The following ANO10 variants were observed in gnomAD, a reference collection of about 807,000 sequenced individuals.
ANO10 encodes the protein anoctamin 10.
In ANO10, 77 loss-of-function variants were observed where a neutral mutation model predicts 74.7. The observed-to-expected ratio is 1.03, with a 90% CI of 0.86 to 1.25. ANO10 has a LOEUF of 1.25. Ranked by LOEUF, ANO10 falls within the 50% of genes most tolerant of loss-of-function variation. The pLI is 0.00. For synonymous variants in ANO10, 279 were observed against 284.9 expected (o/e 0.98, Z 0.21); for missense variants, 721 against 778.1 (o/e 0.93, Z 0.87).
At chr3:43,629,235 G>T (rs1348061366) in intron 1 of ANO10, among the ~76,000 whole-genome samples, 1 of 152,190 alleles carries the variant, frequency 6.6e-6, no homozygotes, top group Non-Finnish European at 1.5e-5. Flanking sequence ...TCCCCGATAA[G>T]GAGGAGATTG....
intron 5 of ANO10, among the ~76,000 whole-genome samples, chr3:43,578,945 C>A (rs1575472540): frequency 6.6e-6 from 1 of 151,924 alleles, no homozygotes; most frequent in East Asian, 1.9e-4. Context: ...AGAATATAAA[C>A]AAAATTCAAA....
chr3:43,367,342 C>T (rs1258232571), intron 12 of ANO10, among the ~76,000 whole-genome samples: 2 of 152,198 alleles, frequency 1.3e-5, no homozygotes, highest in South Asian at 4.1e-4. Context: ...GTGCTTTGAG[C>T]GACCCTGGCA....
intron 12 of ANO10, among the ~76,000 whole-genome samples, chr3:43,428,315 G>A (rs1051997356): frequency 6.6e-6 from 1 of 152,044 alleles, no homozygotes; most frequent in African/African-American, 2.4e-5. Context: ...CTCCCAAAGT[G>A]CTGGGATTAC....
At position 43,540,748 on chromosome 3, in the gene ANO10, G is replaced by A. The variant is rs1575380565; in HGVS notation, c.1797+8972C>T. The stretch of plus-strand genomic sequence containing the variant: ...CACTAGTCAGGGCACTGTTAGGAGG[G>A]AATGGAGAGAGCTGGGTTAACAGGG... On this transcript the variant is annotated intron_variant, in intron 11 of 12. Transcript: ENST00000292246. Among the ~76,000 whole-genome samples the A allele has an allele frequency of 2.0e-5, 3 of 152,312 alleles. No homozygotes were observed. The Middle Eastern group carries it at 0.01, about 518-fold the overall frequency.
chr3:43,372,694 A>G, intron 12 of ANO10: 1 of 660,840 alleles, frequency 1.5e-6, no homozygotes, highest in Admixed American at 2.5e-5. Flanking sequence ...CATTGTTTGC[A>G]GATTTTTTTT....
chr3:43,574,890 CT>C, intron 6 of ANO10, 26 bp from the exon 7 acceptor site: 1 of 1,603,476 alleles, frequency 6.2e-7, no homozygotes, highest in Non-Finnish European at 8.5e-7. Flanking sequence ...ACACAGGTAA[CT>C]TCTCAGTAAG....
intron 11 of ANO10, among the ~76,000 whole-genome samples, chr3:43,488,931 C>T (rs1023307791): frequency 4.0e-5 from 6 of 151,372 alleles, no homozygotes; most frequent in East Asian, 1.9e-4. Flanking sequence ...AAATGTCCAA[C>T]AATGATAGAC....
At chr3:43,485,198 C>G in intron 11 of ANO10, 1 of 689,732 alleles carries the variant, frequency 1.4e-6, no homozygotes, top group Non-Finnish European at 2.6e-6. Flanking sequence ...TGGTCAGGTA[C>G]CGGTATTGCC....
intron 12 of ANO10, among the ~76,000 whole-genome samples, chr3:43,390,934 G>A (rs2092259506): frequency 1.3e-5 from 2 of 152,164 alleles, no homozygotes; most frequent in South Asian, 4.1e-4. Flanking sequence ...GTCTGGGGAG[G>A]AGTATAAGAA....
intron 7 of ANO10, among the ~76,000 whole-genome samples, chr3:43,570,665 C>T (rs1227762089): frequency 9.4e-5 from 14 of 148,482 alleles, no homozygotes; most frequent in Non-Finnish European, 1.5e-4. Context: ...CTTCCTTACA[C>T]CTTATACAAA....
intron 11 of ANO10, among the ~76,000 whole-genome samples, chr3:43,535,762 G>A (rs1279189117): frequency 6.6e-6 from 1 of 152,130 alleles, no homozygotes; most frequent in Non-Finnish European, 1.5e-5. Context: ...GAAAAATCCT[G>A]AAAATCCAAA....
At chr3:43,587,281 CAG>C (rs756451682) in intron 4 of ANO10, among the ~76,000 whole-genome samples, 3 of 152,118 alleles carry the variant, frequency 2.0e-5, no homozygotes, top group Non-Finnish European at 4.4e-5. Context: ...AACCCAGAGA[CAG>C]GGGAGACTGC....
At chr3:43,653,552 T>C (rs974891997) in intron 1 of ANO10, among the ~76,000 whole-genome samples, 3 of 152,244 alleles carry the variant, frequency 2.0e-5, no homozygotes, top group Admixed American at 1.3e-4. Flanking sequence ...CTTTGAATAA[T>C]CATCTTACTA....
chr3:43,434,306 G>A (rs1224593769), intron 11 of ANO10, among the ~76,000 whole-genome samples: 2 of 152,192 alleles, frequency 1.3e-5, no homozygotes, highest in Non-Finnish European at 2.9e-5. Context: ...GCATGGACCA[G>A]ATGATACCCT....
intron 11 of ANO10, among the ~76,000 whole-genome samples, chr3:43,457,494 A>G (rs2075181995): frequency 6.6e-6 from 1 of 152,136 alleles, no homozygotes; most frequent in South Asian, 2.1e-4. Flanking sequence ...ACACTTATAA[A>G]AACCACCAGA....
intron 11 of ANO10, among the ~76,000 whole-genome samples, chr3:43,449,887 C>G (rs2074779120): frequency 6.6e-6 from 1 of 152,150 alleles, no homozygotes; most frequent in Non-Finnish European, 1.5e-5. Context: ...AAACTGACAT[C>G]TTAATAGAGA....
chr3:43,609,544 G>A (rs2082714829), intron 1 of ANO10, among the ~76,000 whole-genome samples: 1 of 152,164 alleles, frequency 6.6e-6, no homozygotes, highest in Non-Finnish European at 1.5e-5. Flanking sequence ...ACCATTTACG[G>A]TCATACATCA....
At chr3:43,566,117 G>A (rs551130657) in intron 7 of ANO10, among the ~76,000 whole-genome samples, 2 of 152,310 alleles carry the variant, frequency 1.3e-5, no homozygotes, top group African/African-American at 2.4e-5. Context: ...AGAATACTGC[G>A]CTTTTCCGAC....
intron 11 of ANO10, among the ~76,000 whole-genome samples, chr3:43,460,155 A>G (rs2075315063): frequency 6.6e-6 from 1 of 152,192 alleles, no homozygotes; most frequent in African/African-American, 2.4e-5. Flanking sequence ...AAAATAAATC[A>G]AAGAGTATAG....
Sources: gnomAD v4.1 joint callset for allele counts (sites outside exome capture counted in the v4.1 genomes callset) on GRCh38, gnomAD v4.1.1 for gene constraint, MANE v1.5 for transcripts, NCBI Gene and HGNC (gene_info 2026-07-23, HGNC 2026-07-21) for gene names.